GGT1: variants seen among roughly 807,000 people sequenced by gnomAD.
GGT1 encodes the protein gamma-glutamyltransferase 1, also known as glutathione hydrolase 1 proenzyme.
GGT1 carries 21 observed loss-of-function variants against 56.0 expected under a neutral mutation model. The ratio of observed to expected loss-of-function variants is 0.38; its 90% CI spans 0.27 to 0.54. The LOEUF is 0.54. Among genes scored for constraint, GGT1 ranks in the 20% least tolerant of loss-of-function variants. GGT1 has a pLI of 0.82. For missense variants in GGT1, 466 were observed against 787.0 expected, an observed-to-expected ratio of 0.59 and a Z score of 4.88; for synonymous variants, 238 against 342.6, an observed-to-expected ratio of 0.69 and a Z score of 3.37.
At chr22:24,604,487 G>A (rs2045907712) in intron 1 of GGT1, among the ~76,000 whole-genome samples, 3 of 152,108 alleles carry the variant, frequency 2.0e-5, no homozygotes, top group Admixed American at 1.3e-4. Flanking sequence ...GCTCAGTTGT[G>A]TGTGTGCGCA....
chr22:24,586,456 T>TC, the GGT1 span: 2 of 1,567,902 alleles, frequency 1.3e-6, no homozygotes, highest in South Asian at 2.4e-5. Flanking sequence ...AACCAGGCAG[T>TC]CCCCCCACTG....
upstream of GGT1, chr22:24,592,678 A>T: frequency 1.8e-6 from 2 of 1,116,666 alleles, no homozygotes; most frequent in Non-Finnish European, 2.4e-6. Flanking sequence ...CCTCTCGCCC[A>T]CGCAAGACCC....
At chr22:24,627,741 T>TTGGTAGCTTG (rs1877279443) in intron 12 of GGT1, 111 bp from the exon 13 acceptor site, 1 of 1,564,526 alleles carries the variant, frequency 6.4e-7, no homozygotes, top group African/African-American at 1.4e-5. Context: ...AGGCCCAACC[T>TTGGTAGCTTG]TGGTAGCTTA....
chr22:24,588,429 C>G, the GGT1 span: 1 of 912,686 alleles, frequency 1.1e-6, no homozygotes, highest in Non-Finnish European at 1.7e-6. Flanking sequence ...TGTGTGAGCA[C>G]AGTCATGCAC....
intron 1 of GGT1, among the ~76,000 whole-genome samples, chr22:24,604,858 C>T (rs901952015): frequency 1.3e-5 from 2 of 148,200 alleles, no homozygotes; most frequent in African/African-American, 5.0e-5. Flanking sequence ...TCTCTGGAAT[C>T]CTCAGCTGCT....
chr22:24,584,784 C>G, the GGT1 span, among the ~76,000 whole-genome samples: 3 of 151,948 alleles, frequency 2.0e-5, no homozygotes, highest in Admixed American at 2.0e-4. Flanking sequence ...GCCTCAGTAT[C>G]CCCCCGGACA....
chr22:24,599,707 C>T (rs569704758), upstream of GGT1, among the ~76,000 whole-genome samples: 13 of 152,264 alleles, frequency 8.5e-5, no homozygotes, highest in South Asian at 4.1e-4. Flanking sequence ...GTCCACCTGG[C>T]GCATCTGAAA....
the GGT1 span, chr22:24,586,307 C>T: frequency 1.2e-6 from 2 of 1,613,998 alleles, no homozygotes; most frequent in Non-Finnish European, 8.5e-7. Context: ...ACCATGGCTG[C>T]TCAGGTAGCG....
intron 11 of GGT1, among the ~76,000 whole-genome samples, chr22:24,624,990 G>A (rs1308637364): frequency 6.6e-6 from 1 of 151,946 alleles, no homozygotes; most frequent in African/African-American, 2.4e-5. Context: ...GCAAATTTTC[G>A]CACCTACAAA....
chr22:24,594,384 C>CGTGTGTGTGTGTGTGT (rs762877347), upstream of GGT1, among the ~76,000 whole-genome samples: 46 of 140,192 alleles, frequency 3.3e-4, no homozygotes, highest in African/African-American at 9.5e-4. Context: ...GCCAAGCACC[C>CGTGTGTGTGTGTGTGT]GTGTGTATGT....
chr22:24,627,396 C>G (rs543658408), intron 11 of GGT1, 36 bp from the exon 12 acceptor site: 1 of 1,568,702 alleles, frequency 6.4e-7, no homozygotes, highest in Admixed American at 1.7e-5. Context: ...CACCCTCCCT[C>G]CCCACCTCCT....
chr22:24,589,511 C>T, the GGT1 span: 3 of 489,452 alleles, frequency 6.1e-6, no homozygotes, highest in Non-Finnish European at 9.0e-6. Context: ...CGCAGGGTCC[C>T]CATATGACTT....
Position 24,607,986 on chromosome 22 carries a change from A to G in GGT1, c.-396A>G, listed in dbSNP as rs2046429597. On this transcript the variant is annotated 5_prime_UTR_variant, in exon 2 of 16. Transcript: ENST00000400382. Reference sequence around the variant, plus strand: ...AGCCCAGAACTGTCTTCTGAGGAAGAGGTGCTCTCCTGGGCCCCCACTGTC... The same window carrying G: ...AGCCCAGAACTGTCTTCTGAGGAAGGGGTGCTCTCCTGGGCCCCCACTGTC... 1 of 468,960 alleles carries G rather than the reference A, an allele frequency of 2.1e-6. No homozygotes were observed. 29.0% of individuals were successfully genotyped at this position (468,960 alleles called of 1,614,324 possible). A position where few individuals can be genotyped will look rare whatever the true frequency, so the allele number is the denominator to read the frequency against.
upstream of GGT1, among the ~76,000 whole-genome samples, chr22:24,600,716 C>T (rs563033496): frequency 3.9e-5 from 6 of 152,322 alleles, no homozygotes; most frequent in East Asian, 1.2e-3. Context: ...AGTCTTCCTC[C>T]CATTCCTTCA....
chr22:24,609,210 T>C (rs531189413), intron 2 of GGT1: 5 of 152,112 alleles, frequency 3.3e-5, no homozygotes, highest in Non-Finnish European at 5.9e-5. Context: ...CTCTAGCTGC[T>C]TTCTGGAAGA....
the GGT1 span, chr22:24,589,339 T>C: frequency 8.6e-7 from 1 of 1,157,952 alleles, no homozygotes; most frequent in South Asian, 1.7e-5. Context: ...CCCCAGCTGT[T>C]GTAGGGGAAA....
the GGT1 span, among the ~76,000 whole-genome samples, chr22:24,585,048 G>A: frequency 6.6e-6 from 1 of 152,108 alleles, no homozygotes; most frequent in African/African-American, 2.4e-5. Context: ...CTCCCACACG[G>A]GGACCCCCAG....
upstream of GGT1, among the ~76,000 whole-genome samples, chr22:24,593,974 A>T (rs2045644636): frequency 6.6e-6 from 1 of 152,156 alleles, no homozygotes; most frequent in African/African-American, 2.4e-5. Flanking sequence ...GTTAACCGTT[A>T]AGCCCAGCTC....
At chr22:24,605,365 A>T (rs1380858338) in intron 1 of GGT1, among the ~76,000 whole-genome samples, 3 of 59,046 alleles carry the variant, frequency 5.1e-5, no homozygotes, top group African/African-American at 8.8e-5. Context: ...AATATGTATT[A>T]TATATTATAT....
Sources: gnomAD v4.1 joint callset for allele counts (sites outside exome capture counted in the v4.1 genomes callset) on GRCh38, gnomAD v4.1.1 for gene constraint, MANE v1.5 for transcripts, NCBI Gene and HGNC (gene_info 2026-07-23, HGNC 2026-07-21) for gene names.